The following MYH15 variants were observed in gnomAD, a reference collection of about 807,000 sequenced individuals.
MYH15 encodes myosin-15.
A neutral mutation model predicts 240.5 loss-of-function variants in MYH15; 227 were observed. That is an observed-to-expected ratio of 0.94 (90% CI 0.85 to 1.05). The LOEUF (loss-of-function observed/expected upper bound fraction) is 1.05. MYH15 is among the 50% of genes least tolerant of loss of function. The pLI is 0.00. For missense variants in MYH15, 2,217 were observed against 2,247.5 expected (o/e 0.99, Z 0.27); for synonymous variants, 785 against 796.7 (o/e 0.99, Z 0.25).
Position 108,421,714 on chromosome 3 carries a change from G to A in MYH15, c.3703-500C>T, listed in dbSNP as rs550596655. On this transcript the variant is annotated intron_variant, in intron 27 of 40. Coordinates refer to ENST00000693548, the MANE Select transcript of MYH15 (RefSeq NM_014981.3). ...GAAGAGAGGTAAGAAGGGGAAGGAG[G>A]AGGAAGGAAATCTAGAAGGCTGCCC... 4.6e-5 allele frequency among the ~76,000 whole-genome samples: 7 copies of A among 152,274 alleles called. No individual in the cohort carries two copies. The East Asian group carries it at 7.7e-4, about 17-fold the overall frequency.
chr3:108,532,803 G>A (rs1471919569), upstream of MYH15, among the ~76,000 whole-genome samples: 1 of 152,258 alleles, frequency 6.6e-6, no homozygotes, highest in South Asian at 2.1e-4. Context: ...AAAATTAAAG[G>A]TCAGAGGTGT....
At chr3:108,464,353 A>G (rs1448270176) in intron 15 of MYH15, among the ~76,000 whole-genome samples, 1 of 152,206 alleles carries the variant, frequency 6.6e-6, no homozygotes, top group Non-Finnish European at 1.5e-5. Context: ...CAAATGGGGG[A>G]AAACCATGAC....
chr3:108,476,978 C>T (rs922698705), intron 11 of MYH15, among the ~76,000 whole-genome samples: 1 of 151,808 alleles, frequency 6.6e-6, no homozygotes, highest in African/African-American at 2.4e-5. Context: ...AGGTACACAC[C>T]CAAGATAAAT....
At chr3:108,541,619 A>T in the MYH15 span, among the ~76,000 whole-genome samples, 2 of 152,146 alleles carry the variant, frequency 1.3e-5, no homozygotes, top group Non-Finnish European at 2.9e-5. Context: ...TTACAATGGA[A>T]TGAGGATGTG....
chr3:108,491,706 C>T (rs56883253), intron 9 of MYH15, among the ~76,000 whole-genome samples: 1 of 152,264 alleles, frequency 6.6e-6, no homozygotes, highest in East Asian at 1.9e-4. Flanking sequence ...CCGCACCCCC[C>T]ACAACACACT....
upstream of MYH15, among the ~76,000 whole-genome samples, chr3:108,529,482 T>C (rs981905173): frequency 1.3e-5 from 2 of 152,196 alleles, no homozygotes; most frequent in African/African-American, 4.8e-5. Flanking sequence ...TGAGAGCACA[T>C]TGTGGAAGGC....
chr3:108,470,120 T>G lies in MYH15; in HGVS notation c.1476A>C (p.Glu492Asp), dbSNP rs2083159312. 1 of 1,611,928 alleles carries G rather than the reference T, an allele frequency of 6.2e-7. No individual in the cohort carries two copies. Among genetic ancestry groups the G allele is most frequent in the African/African-American group, 1.3e-5 (1 of 74,746 alleles). ...NWHMFVLEQE[E>D]YKKESIEWVS... Reference sequence around the variant, plus strand: ...CCCATTCAATGCTTTCTTTCTTATATTCCTCTTGCTCCAGAACAAACATGT... The same window carrying G: ...CCCATTCAATGCTTTCTTTCTTATAGTCCTCTTGCTCCAGAACAAACATGT... Residue 492 changes from glutamate to aspartate, a missense_variant, in exon 14 of 41, where the codon GAA becomes GAC. Transcript: ENST00000693548.
rs562677156 is a variant in MYH15, at chr3:108,396,947, A to G, written c.5133+1690T>C. Among the ~76,000 whole-genome samples the G allele has an allele frequency of 8.5e-5, 13 of 152,286 alleles. No homozygotes were observed. The South Asian group carries it at 2.7e-3, about 32-fold the overall frequency. On this transcript the variant is annotated intron_variant, in intron 35 of 40. Coordinates refer to ENST00000693548, the MANE Select transcript of MYH15 (RefSeq NM_014981.3). Reference sequence around the variant, plus strand: ...TTCCTTGGGATTATCCTTCACCTTGAAGGAGTTTTGGTATCTCTGGACCCT... The same window carrying G: ...TTCCTTGGGATTATCCTTCACCTTGGAGGAGTTTTGGTATCTCTGGACCCT...
At chr3:108,521,814 T>C (rs1400742273) in intron 1 of MYH15, among the ~76,000 whole-genome samples, 1 of 152,192 alleles carries the variant, frequency 6.6e-6, no homozygotes, top group Non-Finnish European at 1.5e-5. Context: ...GGCTGGCTTT[T>C]TGTTCACAGG....
chr3:108,551,041 C>A, the MYH15 span: 2 of 496,946 alleles, frequency 4.0e-6, no homozygotes, highest in East Asian at 8.6e-5. Context: ...TAGATAATAA[C>A]TTCTTATTGT....
chr3:108,432,792 A>T (rs2082790215), intron 25 of MYH15, among the ~76,000 whole-genome samples: 1 of 152,166 alleles, frequency 6.6e-6, no homozygotes, highest in African/African-American at 2.4e-5. Context: ...AGAAGTCATG[A>T]ATTGGGGTTT....
intron 2 of MYH15, among the ~76,000 whole-genome samples, chr3:108,505,480 G>A (rs1319224652): frequency 1.3e-5 from 2 of 151,982 alleles, no homozygotes; most frequent in Non-Finnish European, 2.9e-5. Context: ...ATGTTGCCCA[G>A]GCTGCTCTCA....
At chr3:108,405,155 G>A in intron 33 of MYH15, 183 bp downstream of exon 33, 1 of 376,520 alleles carries the variant, frequency 2.7e-6, no homozygotes. Context: ...ATCTAATTGT[G>A]TATAAAGGAA....
At chr3:108,383,880 T>C in intron 39 of MYH15, 151 bp from the exon 40 acceptor site, 1 of 629,934 alleles carries the variant, frequency 1.6e-6, no homozygotes. Flanking sequence ...TATGATATAT[T>C]AGGATTCAGA....
intron 29 of MYH15, among the ~76,000 whole-genome samples, chr3:108,415,116 T>C (rs899386517): frequency 1.6e-4 from 24 of 152,220 alleles, no homozygotes; most frequent in African/African-American, 5.8e-4. Flanking sequence ...TCTATATGTA[T>C]TGGACGGCCC....
At chr3:108,464,519 A>G in intron 15 of MYH15, 119 bp downstream of exon 15, 2 of 1,047,412 alleles carry the variant, frequency 1.9e-6, no homozygotes, top group Non-Finnish European at 2.8e-6. Context: ...ACTGAGATGT[A>G]TTTTGTTCTT....
intron 14 of MYH15, among the ~76,000 whole-genome samples, chr3:108,468,868 T>C (rs1179195946): frequency 6.6e-6 from 1 of 152,220 alleles, no homozygotes; most frequent in Non-Finnish European, 1.5e-5. Context: ...CGCCAGAAGA[T>C]AAATCTGTTC....
At chr3:108,540,554 T>C in the MYH15 span, among the ~76,000 whole-genome samples, 2,857 of 152,330 alleles carry the variant, frequency 0.019, 92 homozygotes, top group African/African-American at 0.064. Context: ...TCACATTATC[T>C]TTATAGATAT....
intron 25 of MYH15, among the ~76,000 whole-genome samples, chr3:108,431,916 A>C (rs571390744): frequency 6.6e-6 from 1 of 152,202 alleles, no homozygotes; most frequent in Non-Finnish European, 1.5e-5. Flanking sequence ...GTTTTAGCAA[A>C]GAGACTGGTG....
Sources: gnomAD v4.1 joint callset for allele counts (sites outside exome capture counted in the v4.1 genomes callset) on GRCh38, gnomAD v4.1.1 for gene constraint, MANE v1.5 for transcripts, NCBI Gene and HGNC (gene_info 2026-07-23, HGNC 2026-07-21) for gene names.